Variants in GALNT17 observed in about 807,000 individuals in gnomAD.
GALNT17 encodes polypeptide N-acetylgalactosaminyltransferase 17.
GALNT17 carries 29 observed loss-of-function variants against 63.7 expected under a neutral mutation model. That is an observed-to-expected ratio of 0.46 (90% CI 0.34 to 0.62). GALNT17 has a LOEUF of 0.62. Among genes scored for constraint, GALNT17 ranks in the 20% least tolerant of loss-of-function variants. GALNT17 has a pLI of 0.01. For synonymous variants in GALNT17, 305 were observed against 318.3 expected (o/e 0.96, Z 0.45); for missense variants, 603 against 799.6 (o/e 0.75, Z 2.97).
At chr7:71,314,580 G>A (rs1041090473) in intron 1 of GALNT17, among the ~76,000 whole-genome samples, 1 of 152,100 alleles carries the variant, frequency 6.6e-6, no homozygotes, top group African/African-American at 2.4e-5. Context: ...TTTGCTCCAT[G>A]TTCTATTTTT....
At chr7:71,618,944 G>A (rs145781462) in intron 6 of GALNT17, among the ~76,000 whole-genome samples, 17 of 152,190 alleles carry the variant, frequency 1.1e-4, no homozygotes, top group African/African-American at 4.1e-4. Flanking sequence ...ATTGTTTGAG[G>A]TCTTATATTT....
intron 1 of GALNT17, among the ~76,000 whole-genome samples, chr7:71,149,676 T>C (rs1788096212): frequency 1.3e-5 from 2 of 152,198 alleles, no homozygotes; most frequent in Admixed American, 1.3e-4. Context: ...GAAATTGATA[T>C]TAAGTTAATT....
At chr7:71,322,736 C>G (rs1235673425) in intron 1 of GALNT17, among the ~76,000 whole-genome samples, 1 of 152,104 alleles carries the variant, frequency 6.6e-6, no homozygotes, top group African/African-American at 2.4e-5. Context: ...ATAATGGGAT[C>G]AGGGTCCTTA....
At chr7:71,165,746 C>T (rs1273413627) in intron 1 of GALNT17, among the ~76,000 whole-genome samples, 1 of 152,104 alleles carries the variant, frequency 6.6e-6, no homozygotes, top group East Asian at 1.9e-4. Flanking sequence ...ATTTGCTTTA[C>T]TTGACGTTAA....
chr7:71,529,509 G>A (rs1788679670), intron 5 of GALNT17, among the ~76,000 whole-genome samples: 2 of 152,272 alleles, frequency 1.3e-5, no homozygotes, highest in South Asian at 4.1e-4. Context: ...AAAATGCAGA[G>A]TTATTTATAA....
At chr7:71,593,728 G>A (rs906643421) in intron 6 of GALNT17, among the ~76,000 whole-genome samples, 1 of 152,152 alleles carries the variant, frequency 6.6e-6, no homozygotes, top group Non-Finnish European at 1.5e-5. Flanking sequence ...CTTCCCTTTT[G>A]AAAATCTAAA....
At chr7:71,298,592 T>C (rs765220061) in intron 1 of GALNT17, among the ~76,000 whole-genome samples, 21 of 152,092 alleles carry the variant, frequency 1.4e-4, no homozygotes, top group Non-Finnish European at 2.2e-4. Flanking sequence ...GGAGCCAGAC[T>C]GTCCTGCCTT....
chr7:71,612,200 G>A (rs564387497), intron 6 of GALNT17, among the ~76,000 whole-genome samples: 15 of 152,284 alleles, frequency 9.9e-5, no homozygotes, highest in African/African-American at 3.6e-4. Flanking sequence ...GTTAGTGTGA[G>A]TAGGAGAAAC....
At chr7:71,394,505 C>T (rs2189930) in intron 3 of GALNT17, among the ~76,000 whole-genome samples, 78,136 of 151,984 alleles carry the variant, frequency 0.51, 21,746 homozygotes, top group Admixed American at 0.64. Context: ...TTTATGTGTT[C>T]TGACAGTTTC....
intron 8 of GALNT17, among the ~76,000 whole-genome samples, chr7:71,673,015 T>C (rs1307628342): frequency 6.6e-6 from 1 of 151,760 alleles, no homozygotes; most frequent in Non-Finnish European, 1.5e-5. Flanking sequence ...TTTCCCCCTA[T>C]CCGCAAATGA....
intron 2 of GALNT17, among the ~76,000 whole-genome samples, chr7:71,351,753 T>C (rs930762520): frequency 2.6e-5 from 4 of 152,140 alleles, no homozygotes; most frequent in African/African-American, 4.8e-5. Context: ...CATGAGAGAA[T>C]AAATTTCTGT....
At chr7:71,429,254 A>G (rs1310847326) in intron 5 of GALNT17, among the ~76,000 whole-genome samples, 2 of 152,284 alleles carry the variant, frequency 1.3e-5, no homozygotes, top group East Asian at 3.9e-4. Flanking sequence ...TGATTGGGAA[A>G]GAAAGACCCT....
intron 5 of GALNT17, among the ~76,000 whole-genome samples, chr7:71,433,592 A>G (rs566143375): frequency 3.3e-5 from 5 of 152,312 alleles, no homozygotes; most frequent in African/African-American, 1.2e-4. Context: ...TTGAGTATCA[A>G]TTATTGGTTC....
chr7:71,231,999 TGGGTTATATGA>T (rs1789799004), intron 1 of GALNT17, among the ~76,000 whole-genome samples: 2 of 152,156 alleles, frequency 1.3e-5, no homozygotes, highest in South Asian at 4.2e-4. Flanking sequence ...TCCTCTCCCT[TGGGTTATATGA>T]GGGTCTTTAG....
At chr7:71,155,584 T>A (rs1788220140) in intron 1 of GALNT17, among the ~76,000 whole-genome samples, 1 of 151,770 alleles carries the variant, frequency 6.6e-6, no homozygotes, top group Admixed American at 6.6e-5. Context: ...CTTCTTTTTT[T>A]AAAATTCTTT....
chr7:71,245,045 T>C (rs2116476054), intron 1 of GALNT17, among the ~76,000 whole-genome samples: 1 of 152,266 alleles, frequency 6.6e-6, no homozygotes, highest in Admixed American at 6.5e-5. Context: ...TTAATCGATG[T>C]CACCTAGCCC....
intron 5 of GALNT17, among the ~76,000 whole-genome samples, chr7:71,532,007 G>T (rs1486980480): frequency 2.6e-5 from 4 of 152,272 alleles, no homozygotes; most frequent in African/African-American, 9.6e-5. Flanking sequence ...CCACCAAGGG[G>T]TGTTAATGGC....
chr7:71,510,057 G>C (rs1350485633), intron 5 of GALNT17, among the ~76,000 whole-genome samples: 2 of 151,824 alleles, frequency 1.3e-5, no homozygotes, highest in Non-Finnish European at 2.9e-5. Context: ...CAATCCTCCT[G>C]CCTTGGTCTC....
chr7:71,507,705 C>T (rs1196810315), intron 5 of GALNT17, among the ~76,000 whole-genome samples: 1 of 152,170 alleles, frequency 6.6e-6, no homozygotes, highest in Admixed American at 6.5e-5. Flanking sequence ...CTTCTGATTA[C>T]CTGTTTATTA....
Sources: gnomAD v4.1 joint callset for allele counts (sites outside exome capture counted in the v4.1 genomes callset) on GRCh38, gnomAD v4.1.1 for gene constraint, MANE v1.5 for transcripts, NCBI Gene and HGNC (gene_info 2026-07-23, HGNC 2026-07-21) for gene names.